NDUFS1: variants seen among roughly 807,000 people sequenced by gnomAD.
NDUFS1 encodes the protein NADH:ubiquinone oxidoreductase core subunit S1.
In NDUFS1, 61 loss-of-function variants were observed where a neutral mutation model predicts 84.4. The ratio of observed to expected loss-of-function variants is 0.72; its 90% confidence interval spans 0.59 to 0.89. The LOEUF (loss-of-function observed/expected upper bound fraction) is 0.89. Ranked by LOEUF, NDUFS1 falls within the 40% of genes least tolerant of loss-of-function variation. The pLI, the probability that NDUFS1 is intolerant of heterozygous loss-of-function variation, is 0.00. For missense variants in NDUFS1, 891 were observed against 890.0 expected, an observed-to-expected ratio of 1.00 and a Z score of -0.01; for synonymous variants, 275 against 290.0, an observed-to-expected ratio of 0.95 and a Z score of 0.53.
In NDUFS1 at chr2:206,119,953, C is replaced by T. The variant is rs1382778653; in HGVS notation, c.*4232G>A. ...TCGTGGGAGGTATAGAATCATGGGG[C>T]AAATCCTTCATGAATGGCTTGGCAC... On this transcript the variant is annotated 3_prime_UTR_variant, in exon 19 of 19. Coordinates refer to ENST00000233190, the MANE Select transcript of NDUFS1 (RefSeq NM_005006.7). 6.6e-6 allele frequency: 1 copy of T among 152,006 alleles called. No individual in the cohort carries two copies. Among genetic ancestry groups the T allele is most frequent in the African/African-American group, 2.4e-5 (1 of 41,364 alleles). 9.4% of individuals were successfully genotyped at this position (152,006 alleles called of 1,614,324 possible). A position where few individuals can be genotyped will look rare whatever the true frequency, so the allele number is the denominator to read the frequency against.
At chr2:206,145,154 G>A in intron 8 of NDUFS1, 128 bp from the exon 9 acceptor site, 3 of 909,994 alleles carry the variant, frequency 3.3e-6, no homozygotes, top group Non-Finnish European at 4.9e-6. Flanking sequence ...ATGAAGCTTA[G>A]AGGAACTGCA....
intron 1 of NDUFS1, among the ~76,000 whole-genome samples, chr2:206,157,963 C>CTTTTTT (rs1553509152): frequency 4.6e-5 from 6 of 131,862 alleles, no homozygotes; most frequent in South Asian, 2.3e-4. Context: ...ATTTCAATAG[C>CTTTTTT]TTTTTTTTTT....
intron 14 of NDUFS1, among the ~76,000 whole-genome samples, chr2:206,131,988 G>A (rs1485813399): frequency 1.3e-5 from 2 of 151,620 alleles, no homozygotes; most frequent in Non-Finnish European, 2.9e-5. Context: ...GCCAGGTGTG[G>A]TGGCACATGC....
intron 13 of NDUFS1, 31 bp from the exon 14 acceptor site, chr2:206,133,136 A>T: frequency 6.5e-7 from 1 of 1,541,308 alleles, no homozygotes; most frequent in Non-Finnish European, 8.8e-7. Flanking sequence ...CTTTGATTTT[A>T]AAATATTACA....
chr2:206,116,115 C>G lies in NDUFS1; in HGVS notation c.*8070G>C. 1 of 1,405,810 alleles carries G rather than the reference C, an allele frequency of 7.1e-7. No individual in the cohort carries two copies. Among genetic ancestry groups the G allele is most frequent in the Non-Finnish European group, 1.0e-6 (1 of 991,592 alleles). The allele number at this position is 1,405,810 out of a possible 1,614,324, so 87.1% of individuals were successfully genotyped here. A position where few individuals can be genotyped will look rare whatever the true frequency, so the allele number is the denominator to read the frequency against. ...CTTATTTAGTGGTTCCATTTTCACT[C>G]CTCAATAGATTTTATGTATTTCTCA... On this transcript the variant is annotated 3_prime_UTR_variant, in exon 19 of 19. Transcript: ENST00000233190.
intron 3 of NDUFS1, among the ~76,000 whole-genome samples, chr2:206,150,805 C>T (rs1476060397): frequency 1.3e-5 from 2 of 152,198 alleles, no homozygotes; most frequent in African/African-American, 4.8e-5. Flanking sequence ...CCTCTATACA[C>T]TCCAAAATAA....
chr2:206,130,387 C>T (rs1343792625), intron 14 of NDUFS1, 145 bp from the exon 15 acceptor site: 29 of 1,078,038 alleles, frequency 2.7e-5, no homozygotes, highest in Non-Finnish European at 3.6e-5. Flanking sequence ...TAGAGTCTCA[C>T]TTTGTCGCCC....
At position 206,116,418 on chromosome 2, in the gene NDUFS1, G is replaced by T; in HGVS notation, c.*7767C>A. The T allele has an allele frequency of 2.5e-6, 2 of 808,588 alleles. No individual in the cohort carries two copies. The highest frequency in any genetic ancestry group is 4.1e-6 in the Non-Finnish European group (2 of 487,652). 50.1% of individuals were successfully genotyped at this position (808,588 alleles called of 1,614,324 possible). A position where few individuals can be genotyped will look rare whatever the true frequency, so the allele number is the denominator to read the frequency against. On this transcript the variant is annotated 3_prime_UTR_variant, in exon 19 of 19. Transcript: ENST00000233190. ...GCCCATCCCAAGCTGCCAGGGCCTC[G>T]ATAGGCAGGGCGCGGCAGGTGCCAG...
rs762896441 is a variant in NDUFS1 at position 206,138,588 on chromosome 2, G to T, written c.1289C>A (p.Ala430Asp). Residue 430 changes from alanine to aspartate, a missense_variant, in exon 13 of 19, where the codon GCC becomes GAC. Physicochemically the swap from Ala to Asp is moderately radical, Grantham distance 126 (BLOSUM62 -2). Coordinates refer to ENST00000233190, the MANE Select transcript of NDUFS1 (RefSeq NM_005006.7). ...KSWLHNDLKV[A>D]LIGSPVDLTY... is the part of the protein sequence containing the mutation. ...GAGGTCCACTGGACTGCCTATAAGGGCCACTTTTAAGTCATTATGCAGCCA... is the reference window on the plus strand; with the variant it reads ...GAGGTCCACTGGACTGCCTATAAGGTCCACTTTTAAGTCATTATGCAGCCA... 6.2e-7 allele frequency: 1 copy of T among 1,613,962 alleles called. No individual in the cohort carries two copies. The highest frequency in any genetic ancestry group is 1.3e-5 in the African/African-American group (1 of 75,024).
At chr2:206,153,714 A>AG (rs759382409) in intron 1 of NDUFS1, 32 bp from the exon 2 acceptor site, 1 of 1,204,068 alleles carries the variant, frequency 8.3e-7, no homozygotes, top group South Asian at 1.3e-5. Context: ...ATATTATTGT[A>AG]GGGAAAAAAA....
chr2:206,147,895 C>A, intron 5 of NDUFS1, 61 bp from the exon 6 acceptor site: 3 of 1,445,846 alleles, frequency 2.1e-6, no homozygotes, highest in Non-Finnish European at 2.9e-6. Flanking sequence ...ACATTAACTG[C>A]TGGCACTCAA....
At chr2:206,150,615 T>A (rs541524571) in intron 3 of NDUFS1, among the ~76,000 whole-genome samples, 1 of 152,140 alleles carries the variant, frequency 6.6e-6, no homozygotes, top group Non-Finnish European at 1.5e-5. Context: ...AGGATGCAGG[T>A]ATAGTAGTGA....
chr2:206,153,368 A>T (rs565905211), intron 2 of NDUFS1, among the ~76,000 whole-genome samples: 21 of 151,376 alleles, frequency 1.4e-4, no homozygotes, highest in South Asian at 4.2e-4. Flanking sequence ...GCTGATTTTT[A>T]TATTTTTAGT....
chr2:206,144,907 A>G lies in NDUFS1; in HGVS notation c.857T>C (p.Ile286Thr). The G allele has an allele frequency of 1.2e-6, 2 of 1,614,090 alleles. No homozygotes were observed. Among genetic ancestry groups the G allele is most frequent in the Non-Finnish European group, 8.5e-7 (1 of 1,179,990 alleles). ...RMHEDINEEWISDKTRFAYDG... is the reference protein window; with the variant it reads ...RMHEDINEEWTSDKTRFAYDG... ...TAGCATATACCTGGTTTTATCAGAG[A>G]TCCACTCTTCATTGATGTCCTCATG... Residue 286 changes from isoleucine to threonine, a missense_variant, in exon 9 of 19, where the codon ATC becomes ACC. By Grantham distance (89) the Ile-to-Thr change is moderately conservative (BLOSUM62 -1). Coordinates refer to ENST00000233190, the MANE Select transcript of NDUFS1 (RefSeq NM_005006.7).
At chr2:206,156,242 G>A (rs867504064) in intron 1 of NDUFS1, among the ~76,000 whole-genome samples, 3 of 139,702 alleles carry the variant, frequency 2.1e-5, no homozygotes, top group African/African-American at 8.2e-5. Context: ...CAGCCTGGGC[G>A]ACAGAGCAAC....
intron 13 of NDUFS1, 50 bp downstream of exon 13, chr2:206,138,432 AAAT>A: frequency 1.3e-6 from 2 of 1,571,836 alleles, no homozygotes; most frequent in Admixed American, 1.7e-5. Context: ...AGTTAAGTTT[AAAT>A]AATAATAATT....
intron 18 of NDUFS1, among the ~76,000 whole-genome samples, chr2:206,126,231 C>T (rs1486109606): frequency 6.6e-6 from 1 of 152,144 alleles, no homozygotes; most frequent in Non-Finnish European, 1.5e-5. Flanking sequence ...TCAGAAAAAC[C>T]TGCAGTTATT....
chr2:206,133,817 A>C (rs1169371392), intron 13 of NDUFS1, among the ~76,000 whole-genome samples: 2 of 152,158 alleles, frequency 1.3e-5, no homozygotes, highest in Non-Finnish European at 2.9e-5. Context: ...GTCTCTACTA[A>C]AAATACAAAA....
rs959180967 is a variant in NDUFS1, at chr2:206,131,242, T to C, written c.1554-1000A>G. Among the ~76,000 whole-genome samples, 59 of 152,304 alleles carry C rather than the reference T, an allele frequency of 3.9e-4. 1 individual carries two copies. Among genetic ancestry groups the C allele is most frequent in the African/African-American group, 1.3e-3 (56 of 41,564 alleles). Reference sequence around the variant, plus strand: ...TTAGAAATATATCCTAAGAAGATAATTTCAAGTGCAAAGGTATCTGTGAAT... The same window carrying C: ...TTAGAAATATATCCTAAGAAGATAACTTCAAGTGCAAAGGTATCTGTGAAT... On this transcript the variant is annotated intron_variant, in intron 14 of 18. Coordinates refer to ENST00000233190, the MANE Select transcript of NDUFS1 (RefSeq NM_005006.7).
Sources: gnomAD v4.1 joint callset for allele counts (sites outside exome capture counted in the v4.1 genomes callset) on GRCh38, gnomAD v4.1.1 for gene constraint, MANE v1.5 for transcripts, NCBI Gene and HGNC (gene_info 2026-07-23, HGNC 2026-07-21) for gene names.